FRMPD4: variants seen among roughly 807,000 people sequenced by gnomAD.
FRMPD4 encodes the protein FERM and PDZ domain containing 4.
A neutral mutation model predicts 94.1 loss-of-function variants in FRMPD4; 22 were observed. That is an observed-to-expected ratio of 0.23 (90% CI 0.17 to 0.33). The LOEUF is 0.33. Ranked by LOEUF, FRMPD4 falls within the 10% of genes least tolerant of loss-of-function variation. The pLI, the probability that FRMPD4 is intolerant of heterozygous loss-of-function variation, is 1.00. For missense variants in FRMPD4, 1,111 were observed against 1,339.9 expected, an observed-to-expected ratio of 0.83 and a Z score of 2.67; for synonymous variants, 631 against 548.6, an observed-to-expected ratio of 1.15 and a Z score of -2.10.
chrX:12,313,289 A>G (rs1157477652), intron 1 of FRMPD4, among the ~76,000 whole-genome samples: 10 of 112,282 alleles, frequency 8.9e-5, no homozygotes, highest in Non-Finnish European at 1.9e-4. Context: ...GACAAAATGT[A>G]GGGTTTGTAG....
chrX:11,826,551 C>G (rs1342336491), intron 1 of FRMPD4, among the ~76,000 whole-genome samples: 1 of 111,782 alleles, frequency 8.9e-6, no homozygotes, highest in Non-Finnish European at 1.9e-5. Context: ...ATAATAAATA[C>G]CTGTCAAGGG....
intron 9 of FRMPD4, among the ~76,000 whole-genome samples, chrX:12,697,629 G>A (rs942310375): frequency 8.9e-6 from 1 of 112,296 alleles, no homozygotes; most frequent in African/African-American, 3.2e-5. Flanking sequence ...TGTTTAAGGT[G>A]TGTTTGCACA....
chrX:12,661,487 T>C (rs972380930), intron 4 of FRMPD4, among the ~76,000 whole-genome samples: 1 of 111,647 alleles, frequency 9.0e-6, no homozygotes, highest in Non-Finnish European at 1.9e-5. Flanking sequence ...TTAATTCATC[T>C]CCTCTATGTT....
At chrX:12,227,630 A>G (rs1233683481) in intron 1 of FRMPD4, among the ~76,000 whole-genome samples, 1 of 111,073 alleles carries the variant, frequency 9.0e-6, no homozygotes, top group East Asian at 2.8e-4. Flanking sequence ...GTGAGACCCT[A>G]TCTCTACAAA....
chrX:12,439,514 C>T (rs1010649506), intron 1 of FRMPD4, among the ~76,000 whole-genome samples: 6 of 111,819 alleles, frequency 5.4e-5, no homozygotes, highest in Admixed American at 9.5e-5. Context: ...CCACTCTTTA[C>T]TATTTCCCAT....
chrX:12,477,235 C>G (rs2407853), intron 1 of FRMPD4, among the ~76,000 whole-genome samples: 7 of 110,849 alleles, frequency 6.3e-5, no homozygotes, highest in African/African-American at 1.3e-4. Context: ...TGTTCTCACT[C>G]GTAGGTGGGG....
chrX:12,446,560 A>C (rs768179169), intron 1 of FRMPD4, among the ~76,000 whole-genome samples: 1 of 111,367 alleles, frequency 9.0e-6, no homozygotes, highest in South Asian at 3.8e-4. Flanking sequence ...AGATAATGGA[A>C]TCATGGGGGT....
intron 1 of FRMPD4, among the ~76,000 whole-genome samples, chrX:12,205,634 A>G (rs938586062): frequency 8.9e-6 from 1 of 111,955 alleles, no homozygotes; most frequent in Non-Finnish European, 1.9e-5. Context: ...GATGACTTAT[A>G]TATTGGGGTG....
chrX:12,686,393 G>C (rs777088238), intron 7 of FRMPD4, among the ~76,000 whole-genome samples, 189 bp downstream of exon 7: 1 of 112,009 alleles, frequency 8.9e-6, no homozygotes, highest in South Asian at 3.8e-4. Flanking sequence ...AACCAAGAAG[G>C]CTCTGCTCTT....
At chrX:11,994,541 C>T (rs190808279) in intron 3 of FRMPD4, among the ~76,000 whole-genome samples, 66 of 110,785 alleles carry the variant, frequency 6.0e-4, no homozygotes, top group Admixed American at 3.2e-3. Context: ...GTTTGAGAGT[C>T]GAAGAAGAGT....
intron 2 of FRMPD4, among the ~76,000 whole-genome samples, chrX:11,873,650 A>T (rs2053766674): frequency 9.1e-6 from 1 of 109,786 alleles, no homozygotes; most frequent in Admixed American, 9.7e-5. Flanking sequence ...TTTAAATGTC[A>T]GTTGTCCCTA....
intron 2 of FRMPD4, among the ~76,000 whole-genome samples, chrX:12,511,774 C>T (rs1347780023): frequency 9.0e-6 from 1 of 111,397 alleles, no homozygotes; most frequent in East Asian, 2.8e-4. Flanking sequence ...AAAAAATGGG[C>T]ATGCAAATTC....
At chrX:12,272,083 A>C (rs2147846328) in intron 1 of FRMPD4, among the ~76,000 whole-genome samples, 1 of 112,246 alleles carries the variant, frequency 8.9e-6, no homozygotes, top group South Asian at 3.7e-4. Flanking sequence ...CGTTTCCTAA[A>C]CTTTCTCATC....
intron 2 of FRMPD4, among the ~76,000 whole-genome samples, chrX:12,552,237 T>C (rs2058545278): frequency 8.9e-6 from 1 of 111,903 alleles, no homozygotes; most frequent in Non-Finnish European, 1.9e-5. Context: ...ACTACTGAGT[T>C]GTTCACTGTT....
chrX:12,005,954 C>T (rs1256807985), intron 3 of FRMPD4, among the ~76,000 whole-genome samples: 2 of 110,799 alleles, frequency 1.8e-5, no homozygotes, highest in East Asian at 2.8e-4. Flanking sequence ...CTTTTTTTCC[C>T]GTTGAGTAAA....
intron 1 of FRMPD4, among the ~76,000 whole-genome samples, chrX:12,156,117 G>A (rs2055931842): frequency 8.9e-6 from 1 of 111,803 alleles, no homozygotes; most frequent in Non-Finnish European, 1.9e-5. Flanking sequence ...TGATGGGGTG[G>A]AGGTCCTATT....
intron 3 of FRMPD4, among the ~76,000 whole-genome samples, chrX:11,947,799 A>G (rs1009533369): frequency 1.8e-5 from 2 of 111,431 alleles, no homozygotes; most frequent in African/African-American, 3.3e-5. Flanking sequence ...AATTGTAGCA[A>G]TCCTCGGCCA....
intron 9 of FRMPD4, among the ~76,000 whole-genome samples, chrX:12,699,303 A>ATC (rs1052814611): frequency 8.0e-5 from 9 of 112,093 alleles, no homozygotes; most frequent in African/African-American, 2.9e-4. Flanking sequence ...AGACCACCCT[A>ATC]TCTCCTGTCT....
At chrX:12,088,296 A>G (rs2055126923) in intron 3 of FRMPD4, among the ~76,000 whole-genome samples, 1 of 111,815 alleles carries the variant, frequency 8.9e-6, no homozygotes, top group South Asian at 3.8e-4. Flanking sequence ...ACACCGTGAA[A>G]GAGGTGAACA....
Sources: allele counts gnomAD v4.1 joint callset (sites outside exome capture counted in the v4.1 genomes callset), GRCh38; gene constraint gnomAD v4.1.1; transcripts MANE v1.5; gene names NCBI Gene and HGNC (gene_info 2026-07-23, HGNC 2026-07-21).